Variants in CEP131 observed in about 807,000 individuals in gnomAD.
CEP131 encodes centrosomal protein of 131 kDa.
CEP131 carries 99 observed loss-of-function variants against 136.8 expected under a neutral mutation model. The ratio of observed to expected loss-of-function variants is 0.72; its 90% confidence interval spans 0.62 to 0.86. The LOEUF (loss-of-function observed/expected upper bound fraction) is 0.86, where lower values mean the gene tolerates loss of function less well. Among genes scored for constraint, CEP131 ranks in the 40% least tolerant of loss-of-function variants. The pLI, the probability that CEP131 is intolerant of heterozygous loss-of-function variation, is 0.00. For missense variants in CEP131, 1,459 were observed against 1,463.0 expected, an observed-to-expected ratio of 1.00 and a Z score of 0.04; for synonymous variants, 646 against 612.7, an observed-to-expected ratio of 1.05 and a Z score of -0.80.
In CEP131 at chr17:81,197,886, C is replaced by T; in HGVS notation, c.1473G>A (p.Glu491=). 6.2e-7 allele frequency: 1 copy of T among 1,611,680 alleles called. No individual in the cohort carries two copies. Among genetic ancestry groups the T allele is most frequent in the East Asian group, 2.2e-5 (1 of 44,862 alleles). ...HRGRYAWASE[E]DDASSLTADN... ...CAGCTGTCAGAGAGCTGGCGTCATCCTCCTGTGGGACAGGAGCCCAGCATC... is the reference window on the plus strand; with the variant it reads ...CAGCTGTCAGAGAGCTGGCGTCATCTTCCTGTGGGACAGGAGCCCAGCATC... Residue 491 remains glutamate, a splice_region_variant and synonymous_variant, in exon 13 of 26, where the codon GAG becomes GAA. Coordinates refer to ENST00000450824, the MANE Select transcript of CEP131 (RefSeq NM_014984.4).
rs753478115 is a variant in CEP131 at position 81,200,351 on chromosome 17, T to C, written c.884A>G (p.His295Arg). 4 of 1,596,124 alleles carry C rather than the reference T, an allele frequency of 2.5e-6. No individual in the cohort carries two copies. The highest frequency in any genetic ancestry group is 2.6e-6 in the Non-Finnish European group (3 of 1,171,946). Reference protein sequence around the residue: ...RRGAGAARLEHLLQAKREEQR... With the variant: ...RRGAGAARLERLLQAKREEQR... ...GACCTCCCGCTTGGCCTGAAGCAAGTGCTCCAGGCGGGCAGCTCCTGCTCC... is the reference window on the plus strand; with the variant it reads ...GACCTCCCGCTTGGCCTGAAGCAAGCGCTCCAGGCGGGCAGCTCCTGCTCC... Residue 295 changes from histidine to arginine, a missense_variant, in exon 8 of 26, where the codon CAC becomes CGC. His to Arg is a conservative substitution (Grantham distance 29). This residue lies in a region of CEP131 where 246 missense variants were observed against 318.9 expected (regional missense o/e 0.77). Coordinates refer to ENST00000450824, the MANE Select transcript of CEP131 (RefSeq NM_014984.4).
rs777349411 is a variant in CEP131 at position 81,194,837 on chromosome 17, C to CA, written c.2119+32dup. 15 of 1,577,342 alleles carry CA rather than the reference C, an allele frequency of 9.5e-6. No individual in the cohort carries two copies. The East Asian group carries it at 3.1e-4, about 33-fold the overall frequency. On this transcript the variant is annotated intron_variant, in intron 17 of 25. Transcript: ENST00000450824. ...AGCCCTGGCCGCAGCACCCACCCCA[C>CA]ACCTGGCCGGCTCATGGGAGGGGAG...
intron 5 of CEP131, among the ~76,000 whole-genome samples, chr17:81,206,468 C>T (rs892545718): frequency 3.3e-5 from 5 of 152,212 alleles, no homozygotes; most frequent in Admixed American, 3.3e-4. Flanking sequence ...AGCCAAGGCC[C>T]CTCCCCAGGC....
chr17:81,220,310 G>A (rs1463437804), intron 1 of CEP131, among the ~76,000 whole-genome samples: 3 of 152,164 alleles, frequency 2.0e-5, no homozygotes, highest in Non-Finnish European at 2.9e-5. Context: ...ATGATGGACA[G>A]GTGGGTGGCG....
Position 81,195,860 on chromosome 17 carries a change from G to A in CEP131, c.1991C>T (p.Ala664Val), listed in dbSNP as rs371952171. The change falls in exon 16 of 26, where the codon GCC (alanine) becomes GTC (valine). Residue 664 changes from alanine (A) to valine (V), a missense_variant. Coordinates refer to ENST00000450824, the MANE Select transcript of CEP131 (RefSeq NM_014984.4). ...QEDQRCTERV[A>V]QAQAQHELEI... ...CAGCTCGTGCTGCGCCTGTGCCTGGGCCACACGCTCGGTGCATCTCTGGTC... is the reference window on the plus strand; with the variant it reads ...CAGCTCGTGCTGCGCCTGTGCCTGGACCACACGCTCGGTGCATCTCTGGTC... 42 of 1,606,630 alleles carry A rather than the reference G, an allele frequency of 2.6e-5. No homozygotes were observed. Among genetic ancestry groups the A allele is most frequent in the Non-Finnish European group, 3.4e-5 (40 of 1,179,892 alleles).
chr17:81,196,694 C>G lies in CEP131; in HGVS notation c.1899+7G>C, dbSNP rs918791406. The G allele has an allele frequency of 6.9e-6, 11 of 1,601,690 alleles. No homozygotes were observed. Among genetic ancestry groups the G allele is most frequent in the Non-Finnish European group, 9.3e-6 (11 of 1,177,932 alleles). ...GTCCGGGCCTCTGCGCTCCCCGGGC[C>G]GCTCACCTGGTCAATGAAGGCCAAG... On this transcript the variant is annotated splice_region_variant and intron_variant, in intron 15 of 25. Coordinates refer to ENST00000450824, the MANE Select transcript of CEP131 (RefSeq NM_014984.4).
chr17:81,220,107 C>A, intron 1 of CEP131, 34 bp from the exon 2 acceptor site: 1 of 1,459,380 alleles, frequency 6.9e-7, no homozygotes. Context: ...AATGAGATGC[C>A]GTGGGGGAAC....
In CEP131 at chr17:81,198,107, G is replaced by T; in HGVS notation, c.1470+8C>A. 3.2e-6 allele frequency: 5 copies of T among 1,555,274 alleles called. No individual in the cohort carries two copies. The highest frequency in any genetic ancestry group is 4.3e-6 in the Non-Finnish European group (5 of 1,150,900). ...AGACTGTGCAGGGCGGGCGCACACC[G>T]TGGTCACCTCGCTGGCCCAGGCGTA... On this transcript the variant is annotated splice_region_variant and intron_variant, in intron 12 of 25. Transcript: ENST00000450824.
rs2062337010 is a variant in CEP131 at position 81,219,511 on chromosome 17, TG to T, written c.177+368del. Among the ~76,000 whole-genome samples the T allele has an allele frequency of 6.6e-6, 1 of 152,042 alleles. No individual in the cohort carries two copies. Among genetic ancestry groups the T allele is most frequent in the African/African-American group, 2.4e-5 (1 of 41,378 alleles). ...CGGAGTTTCACCATGTTGGTCAGGCTGGTCTTGAACTGCTGACCTCAGATGA... is the reference window on the plus strand; with the variant it reads ...CGGAGTTTCACCATGTTGGTCAGGCTGTCTTGAACTGCTGACCTCAGATGA... On this transcript the variant is annotated intron_variant, in intron 2 of 25. Coordinates refer to ENST00000450824, the MANE Select transcript of CEP131 (RefSeq NM_014984.4). The surrounding 1 kb of genome is among the most constrained non-coding windows in gnomAD (Gnocchi z 4.0).
intron 1 of CEP131, among the ~76,000 whole-genome samples, chr17:81,220,434 G>A (rs969706896): frequency 2.0e-5 from 3 of 152,210 alleles, no homozygotes; most frequent in African/African-American, 7.2e-5. Flanking sequence ...GTGATTCTGA[G>A]AAAGTCACTG....
At position 81,208,895 on chromosome 17, in the gene CEP131, G is replaced by C; in HGVS notation, c.272+33C>G. Reference sequence around the variant, plus strand: ...GTGGGGCACCTGAGGTCCCGGGAAGGGGCCAGGGTTATCCAAGGGCCTTAG... The same window carrying C: ...GTGGGGCACCTGAGGTCCCGGGAAGCGGCCAGGGTTATCCAAGGGCCTTAG... On this transcript the variant is annotated intron_variant, in intron 3 of 25. Transcript: ENST00000450824. The surrounding 1 kb of genome is among the most constrained non-coding windows in gnomAD (Gnocchi z 5.6). 6.4e-7 allele frequency: 1 copy of C among 1,566,356 alleles called. No homozygotes were observed. Among genetic ancestry groups the C allele is most frequent in the South Asian group, 1.1e-5 (1 of 89,934 alleles).
At position 81,195,821 on chromosome 17, in the gene CEP131, G is replaced by C; in HGVS notation, c.2016+14C>G. Reference sequence around the variant, plus strand: ...CGGGCTTGGGACGCCGTGCAGTAGGGAGCAAAGCCTCACCAGCTCGTGCTG... The same window carrying C: ...CGGGCTTGGGACGCCGTGCAGTAGGCAGCAAAGCCTCACCAGCTCGTGCTG... On this transcript the variant is annotated intron_variant, in intron 16 of 25. Coordinates refer to ENST00000450824, the MANE Select transcript of CEP131 (RefSeq NM_014984.4). 3 of 1,598,002 alleles carry C rather than the reference G, an allele frequency of 1.9e-6. No individual in the cohort carries two copies. Among genetic ancestry groups the C allele is most frequent in the Non-Finnish European group, 1.7e-6 (2 of 1,177,572 alleles).
Position 81,189,696 on chromosome 17 carries a change from G to C in CEP131, c.*73C>G. 6.8e-7 allele frequency: 1 copy of C among 1,468,160 alleles called. No homozygotes were observed. The highest frequency in any genetic ancestry group is 1.4e-5 in the South Asian group (1 of 73,242). 90.9% of individuals were successfully genotyped at this position (1,468,160 alleles called of 1,614,324 possible). On this transcript the variant is annotated 3_prime_UTR_variant, in exon 26 of 26. Transcript: ENST00000450824. ...CTGTGGGGGGCAGGTGGGCGTCCCT[G>C]TGGGCCTCTGGGCCCACGTCCAGCC...
Position 81,192,551 on chromosome 17 carries a change from C to T in CEP131, c.2472G>A (p.Glu824=). Residue 824 remains glutamate, a synonymous_variant, in exon 20 of 26, where the codon GAG becomes GAA. Coordinates refer to ENST00000450824, the MANE Select transcript of CEP131 (RefSeq NM_014984.4). ...GGGCTCGGGTCAGTGCAGAGCTGCTCTCCTCCAGCTGCTGCCTCAGCTCTT... is the reference window on the plus strand; with the variant it reads ...GGGCTCGGGTCAGTGCAGAGCTGCTTTCCTCCAGCTGCTGCCTCAGCTCTT... The part of the protein sequence containing the change: ...ELEELRQQLE[E]SSSALTRALR... The T allele has an allele frequency of 6.2e-7, 1 of 1,609,906 alleles. No individual in the cohort carries two copies. Among genetic ancestry groups the T allele is most frequent in the South Asian group, 1.1e-5 (1 of 90,634 alleles).
intron 10 of CEP131, 140 bp from the exon 11 acceptor site, chr17:81,199,111 C>A: frequency 1.1e-6 from 1 of 881,050 alleles, no homozygotes; most frequent in Non-Finnish European, 1.7e-6. Context: ...GGAGCCACGG[C>A]CTTCTGGGTG....
rs202060372 is a variant in CEP131 at position 81,195,966 on chromosome 17, G to A, written c.1900-15C>T. On this transcript the variant is annotated splice_polypyrimidine_tract_variant and intron_variant, in intron 15 of 25. Transcript: ENST00000450824. ...TCCTCAATCAGCTGTGTTGGGGACCGGAGGTGAGGTGCTACACCAAGGCCC... is the reference window on the plus strand; with the variant it reads ...TCCTCAATCAGCTGTGTTGGGGACCAGAGGTGAGGTGCTACACCAAGGCCC... The A allele has an allele frequency of 3.6e-4, 569 of 1,599,534 alleles. 2 individuals carry two copies. The highest frequency in any genetic ancestry group is 3.4e-3 in the African/African-American group (253 of 74,920).
In CEP131 at chr17:81,203,598, C is replaced by T. The variant is rs1343051052; in HGVS notation, c.525G>A (p.Lys175=). The part of the protein sequence containing the change: ...PNFTANNRSN[K]GAVGNCVTTM... ...TGGTGACGCAGTTGCCCACTGCTCC[C>T]TTGTTGCTCCTGCCAGGCCGGAAGA... The change falls in exon 6 of 26, where the codon AAG becomes AAA. Residue 175 remains lysine, a synonymous_variant. Transcript: ENST00000450824. This position sits in a 1 kb window ranked among gnomAD's most constrained non-coding sequence, Gnocchi z 4.6. The T allele has an allele frequency of 6.3e-7, 1 of 1,594,134 alleles. No homozygotes were observed. The highest frequency in any genetic ancestry group is 1.7e-4 in the Middle Eastern group (1 of 6,036).
chr17:81,192,430 C>G (rs545348813), intron 20 of CEP131, 38 bp from the exon 21 acceptor site: 4 of 1,611,648 alleles, frequency 2.5e-6, no homozygotes, highest in Admixed American at 1.7e-5. Flanking sequence ...AGTCCCACCC[C>G]GTGCAGCCCC....
intron 2 of CEP131, among the ~76,000 whole-genome samples, chr17:81,213,230 A>G (rs1313730935): frequency 1.3e-5 from 2 of 152,236 alleles, no homozygotes. Context: ...TGTAAAATAA[A>G]TATCCACGAG....
Sources: allele counts gnomAD v4.1 joint callset (sites outside exome capture counted in the v4.1 genomes callset), GRCh38; gene constraint gnomAD v4.1.1; regional missense constraint gnomAD v4.1.1; non-coding constraint Gnocchi (gnomAD v3.1); transcripts MANE v1.5; gene names NCBI Gene and HGNC (gene_info 2026-07-23, HGNC 2026-07-21).